CNTN5: variants seen among roughly 807,000 people sequenced by gnomAD.
CNTN5 encodes contactin-5.
A neutral mutation model predicts 129.1 loss-of-function variants in CNTN5; 77 were observed. The ratio of observed to expected loss-of-function variants is 0.60; its 90% confidence interval spans 0.50 to 0.72. The LOEUF is 0.72. Ranked by LOEUF, CNTN5 falls within the 30% of genes least tolerant of loss-of-function variation. The probability of loss-of-function intolerance (pLI) is 0.00; values close to 1 mark genes in which losing one functional copy is unlikely to be tolerated. For synonymous variants in CNTN5, 509 were observed against 465.6 expected, an observed-to-expected ratio of 1.09 and a Z score of -1.20; for missense variants, 1,478 against 1,328.8, an observed-to-expected ratio of 1.11 and a Z score of -1.75.
At chr11:100,215,673 T>C (rs1005644809) in intron 15 of CNTN5, among the ~76,000 whole-genome samples, 1 of 151,994 alleles carries the variant, frequency 6.6e-6, no homozygotes, top group Non-Finnish European at 1.5e-5. Context: ...TAGGAAAGAA[T>C]AAGTATCAGC....
At chr11:99,789,196 T>C (rs1424267709) in intron 3 of CNTN5, among the ~76,000 whole-genome samples, 3 of 151,884 alleles carry the variant, frequency 2.0e-5, no homozygotes, top group Admixed American at 2.0e-4. Flanking sequence ...ATACAAATTA[T>C]GATTATGAAA....
intron 3 of CNTN5, among the ~76,000 whole-genome samples, chr11:99,791,798 G>T (rs1012268822): frequency 2.9e-4 from 44 of 152,012 alleles, no homozygotes; most frequent in African/African-American, 1.0e-3. Flanking sequence ...GTGTTTTGTA[G>T]TTGCATTTTA....
intron 3 of CNTN5, among the ~76,000 whole-genome samples, chr11:99,691,510 A>G (rs1291094698): frequency 1.3e-5 from 2 of 152,256 alleles, no homozygotes; most frequent in African/African-American, 2.4e-5. Flanking sequence ...TTATTTACCC[A>G]AAAGTCATTC....
intron 1 of CNTN5, among the ~76,000 whole-genome samples, chr11:99,206,616 AC>A (rs372615989): frequency 0.13 from 18,958 of 148,222 alleles, 1,227 homozygotes; most frequent in Middle Eastern, 0.14. Flanking sequence ...GTTCTTACCC[AC>A]TTACTACTAC....
intron 13 of CNTN5, among the ~76,000 whole-genome samples, chr11:100,146,680 A>G (rs1008856295): frequency 2.0e-5 from 3 of 152,152 alleles, no homozygotes; most frequent in African/African-American, 7.2e-5. Flanking sequence ...ACTGTTGAAA[A>G]TATAATATAG....
At chr11:99,846,979 C>A (rs1243850542) in intron 6 of CNTN5, among the ~76,000 whole-genome samples, 1 of 152,082 alleles carries the variant, frequency 6.6e-6, no homozygotes, top group Non-Finnish European at 1.5e-5. Flanking sequence ...ACATTATGCA[C>A]AATTAATCAA....
At chr11:99,819,790 C>A in intron 4 of CNTN5, 25 bp downstream of exon 4, 1 of 228,756 alleles carries the variant, frequency 4.4e-6, no homozygotes, top group Non-Finnish European at 5.9e-6. Flanking sequence ...AAAATGGCTC[C>A]AGATAGAATA....
chr11:99,260,129 G>A (rs1463224005), intron 1 of CNTN5, among the ~76,000 whole-genome samples: 2 of 151,444 alleles, frequency 1.3e-5, no homozygotes, highest in Non-Finnish European at 3.0e-5. Flanking sequence ...AGTCTAATGT[G>A]GCTATCTTTT....
At chr11:99,297,085 C>G (rs76157715) in intron 1 of CNTN5, among the ~76,000 whole-genome samples, 14 of 152,212 alleles carry the variant, frequency 9.2e-5, no homozygotes, top group African/African-American at 3.4e-4. Flanking sequence ...AACTTGCAAA[C>G]GCTTTTAACT....
At chr11:99,262,619 T>C (rs1862693012) in intron 1 of CNTN5, among the ~76,000 whole-genome samples, 1 of 151,422 alleles carries the variant, frequency 6.6e-6, no homozygotes, top group Non-Finnish European at 1.5e-5. Context: ...TTTCTCTCTC[T>C]TTTTTTTGCT....
chr11:100,185,623 G>A (rs1293511409), intron 13 of CNTN5, among the ~76,000 whole-genome samples: 2 of 152,194 alleles, frequency 1.3e-5, no homozygotes, highest in Non-Finnish European at 2.9e-5. Context: ...AAATGCATAT[G>A]TTGAAGCCCT....
intron 3 of CNTN5, among the ~76,000 whole-genome samples, chr11:99,621,719 TTTA>T (rs1163507681): frequency 6.6e-6 from 1 of 152,212 alleles, no homozygotes; most frequent in Non-Finnish European, 1.5e-5. Context: ...GTAACATTTC[TTTA>T]TTAACCTTCT....
intron 17 of CNTN5, among the ~76,000 whole-genome samples, chr11:100,264,575 T>C (rs1383830812): frequency 3.3e-5 from 5 of 152,178 alleles, no homozygotes; most frequent in African/African-American, 9.7e-5. Context: ...TCTTTTTTCA[T>C]GACTACATAA....
intron 3 of CNTN5, among the ~76,000 whole-genome samples, chr11:99,782,672 C>A (rs1357657110): frequency 6.6e-6 from 1 of 151,816 alleles, no homozygotes; most frequent in Non-Finnish European, 1.5e-5. Context: ...GAAATAACGC[C>A]GCATATCCAC....
intron 2 of CNTN5, among the ~76,000 whole-genome samples, chr11:99,355,475 A>G (rs1197091912): frequency 6.6e-6 from 1 of 152,146 alleles, no homozygotes; most frequent in Non-Finnish European, 1.5e-5. Context: ...TGCAAGTAGA[A>G]TTGGATTTTG....
At chr11:99,282,843 G>A (rs1345941081) in intron 1 of CNTN5, among the ~76,000 whole-genome samples, 1 of 152,046 alleles carries the variant, frequency 6.6e-6, no homozygotes, top group African/African-American at 2.4e-5. Context: ...TGTCAGACCT[G>A]GGAGTCAGCA....
chr11:99,739,750 C>A (rs1452748197), intron 3 of CNTN5, among the ~76,000 whole-genome samples: 1 of 152,084 alleles, frequency 6.6e-6, no homozygotes, highest in African/African-American at 2.4e-5. Context: ...GTTTTTGCTT[C>A]CATTTAAAGA....
At chr11:99,976,859 G>T (rs1178185905) in intron 8 of CNTN5, among the ~76,000 whole-genome samples, 1 of 152,166 alleles carries the variant, frequency 6.6e-6, no homozygotes, top group Non-Finnish European at 1.5e-5. Flanking sequence ...GCAAATTTCT[G>T]CAGCTGGCTT....
At chr11:99,891,493 C>G (rs373499821) in intron 6 of CNTN5, among the ~76,000 whole-genome samples, 5 of 152,116 alleles carry the variant, frequency 3.3e-5, no homozygotes, top group East Asian at 3.9e-4. Flanking sequence ...CCCCCACCCC[C>G]CAACAGGCCC....
Sources: gnomAD v4.1 joint callset for allele counts (sites outside exome capture counted in the v4.1 genomes callset) on GRCh38, gnomAD v4.1.1 for gene constraint, MANE v1.5 for transcripts, NCBI Gene and HGNC (gene_info 2026-07-23, HGNC 2026-07-21) for gene names.